CTNNA2: variants seen among roughly 807,000 people sequenced by gnomAD.
CTNNA2 encodes catenin alpha-2.
Under a neutral mutation model 101.0 loss-of-function variants are expected in CTNNA2, and 42 were observed. The observed-to-expected ratio is 0.42, with a 90% CI of 0.32 to 0.54. The LOEUF (loss-of-function observed/expected upper bound fraction) is 0.54. Ranked by LOEUF, CTNNA2 falls within the 20% of genes least tolerant of loss-of-function variation. The pLI, the probability that CTNNA2 is intolerant of heterozygous loss-of-function variation, is 0.14. For synonymous variants in CTNNA2, 450 were observed against 456.4 expected, an observed-to-expected ratio of 0.99 and a Z score of 0.18; for missense variants, 871 against 1,223.1, an observed-to-expected ratio of 0.71 and a Z score of 4.29.
At chr2:80,557,923 C>A (rs1042316064) in intron 12 of CTNNA2, among the ~76,000 whole-genome samples, 5 of 152,058 alleles carry the variant, frequency 3.3e-5, no homozygotes, top group African/African-American at 1.2e-4. Context: ...CTTACTTGTT[C>A]TGAGTTTTTA....
At chr2:80,209,391 A>G (rs998868197) in intron 7 of CTNNA2, among the ~76,000 whole-genome samples, 3 of 151,868 alleles carry the variant, frequency 2.0e-5, no homozygotes, top group South Asian at 2.1e-4. Context: ...GGGTTTCACC[A>G]TGTTGGCCAG....
chr2:79,803,222 A>G (rs529796883), intron 3 of CTNNA2, among the ~76,000 whole-genome samples: 2 of 152,282 alleles, frequency 1.3e-5, no homozygotes, highest in South Asian at 2.1e-4. Context: ...CTTAATAAAC[A>G]CTTTAATGCT....
chr2:79,715,205 C>CAAA (rs140432724), intron 2 of CTNNA2, among the ~76,000 whole-genome samples: 999 of 66,160 alleles, frequency 0.015, 62 homozygotes, highest in African/African-American at 0.054. Context: ...AAAATTCCGT[C>CAAA]AAAAAAAAAA....
chr2:79,890,473 C>T (rs1041025360), intron 6 of CTNNA2, among the ~76,000 whole-genome samples: 1 of 152,076 alleles, frequency 6.6e-6, no homozygotes, highest in Non-Finnish European at 1.5e-5. Flanking sequence ...TTAGTACTTT[C>T]CTCACTTTAG....
intron 9 of CTNNA2, among the ~76,000 whole-genome samples, chr2:80,436,305 T>C (rs1261234641): frequency 1.3e-5 from 2 of 152,182 alleles, no homozygotes; most frequent in Non-Finnish European, 2.9e-5. Flanking sequence ...GCATTGGTCT[T>C]ACCTGGGAGC....
intron 2 of CTNNA2, among the ~76,000 whole-genome samples, chr2:79,239,816 T>C (rs1421404223): frequency 6.6e-6 from 1 of 152,078 alleles, no homozygotes; most frequent in Non-Finnish European, 1.5e-5. Flanking sequence ...AGGGCTAATA[T>C]CCGGAATATA....
chr2:79,967,098 G>A lies in CTNNA2; in HGVS notation c.1056+57301G>A, dbSNP rs937527220. Among the ~76,000 whole-genome samples the A allele has an allele frequency of 1.3e-4, 16 of 127,516 alleles. No homozygotes were observed. In the South Asian group the frequency reaches 3.3e-3, roughly 26 times the overall value. 83.7% of individuals were successfully genotyped at this position (127,516 alleles called of 152,430 possible). A position where few individuals can be genotyped will look rare whatever the true frequency, so the allele number is the denominator to read the frequency against. Reference sequence around the variant, plus strand: ...GACTTCTCTGTGCTCAAGCCTATGCGTGCACACACGCGCACGCACGTGTGT... The same window carrying A: ...GACTTCTCTGTGCTCAAGCCTATGCATGCACACACGCGCACGCACGTGTGT... On this transcript the variant is annotated intron_variant, in intron 7 of 18. Transcript: ENST00000402739.
intron 6 of CTNNA2, among the ~76,000 whole-genome samples, chr2:79,890,351 A>T (rs1288096223): frequency 1.3e-5 from 2 of 152,186 alleles, no homozygotes; most frequent in African/African-American, 4.8e-5. Flanking sequence ...AAGAATGTGC[A>T]TGGTATGCAA....
At chr2:80,100,245 T>A (rs1337602957) in intron 7 of CTNNA2, among the ~76,000 whole-genome samples, 3 of 152,188 alleles carry the variant, frequency 2.0e-5, no homozygotes, top group African/African-American at 7.2e-5. Flanking sequence ...TGCATCTGAA[T>A]TTTAAACAGG....
intron 4 of CTNNA2, among the ~76,000 whole-genome samples, chr2:79,486,345 A>G (rs1013000467): frequency 6.6e-6 from 1 of 151,010 alleles, no homozygotes; most frequent in Non-Finnish European, 1.5e-5. Flanking sequence ...TGTCCTTGTG[A>G]TAGTTTGCTG....
chr2:80,287,832 T>C (rs1236063259), intron 7 of CTNNA2, among the ~76,000 whole-genome samples: 1 of 152,188 alleles, frequency 6.6e-6, no homozygotes, highest in Non-Finnish European at 1.5e-5. Flanking sequence ...CATCTCATGA[T>C]ATGTGCTTAA....
chr2:80,311,708 G>A (rs543917630), intron 7 of CTNNA2, among the ~76,000 whole-genome samples: 1 of 152,214 alleles, frequency 6.6e-6, no homozygotes, highest in Admixed American at 6.5e-5. Flanking sequence ...TTTGTGAAAT[G>A]CACAAGGCTT....
chr2:79,618,188 A>T (rs1678760752), intron 1 of CTNNA2, among the ~76,000 whole-genome samples: 3 of 152,240 alleles, frequency 2.0e-5, no homozygotes, highest in Admixed American at 2.0e-4. Context: ...TTTGGGCAGC[A>T]ACCAACAAAG....
chr2:80,335,971 T>C (rs1671735396), intron 7 of CTNNA2, among the ~76,000 whole-genome samples: 1 of 152,188 alleles, frequency 6.6e-6, no homozygotes, highest in Middle Eastern at 3.2e-3. Flanking sequence ...TTCCAAATGC[T>C]GTGTCTCCCC....
chr2:79,200,423 A>G (rs1178576191), intron 2 of CTNNA2, among the ~76,000 whole-genome samples: 3 of 152,126 alleles, frequency 2.0e-5, no homozygotes, highest in African/African-American at 4.8e-5. Flanking sequence ...CAGATAACAC[A>G]ATACAAAAGC....
At chr2:80,512,695 G>GT (rs1688804187) in intron 9 of CTNNA2, among the ~76,000 whole-genome samples, 1 of 150,646 alleles carries the variant, frequency 6.6e-6, no homozygotes, top group East Asian at 2.0e-4. Flanking sequence ...TTGTTTGTTT[G>GT]TTTTCCCTCC....
rs111675208 is a variant in CTNNA2 at position 79,559,807 on chromosome 2, G to A, written c.-6+46600G>A. Among the ~76,000 whole-genome samples the A allele has an allele frequency of 8.1e-3, 1,232 of 151,890 alleles. 3 individuals carry two copies. The highest frequency in any genetic ancestry group is 0.028 in the African/African-American group (1,162 of 41,478). ...TTATAAAGGAGGTTATAATAATAGT[G>A]GTGAAGATGATAAAATAATACTAAC... On this transcript the variant is annotated intron_variant, in intron 1 of 18. Coordinates refer to ENST00000402739, the MANE Select transcript of CTNNA2 (RefSeq NM_001282597.3).
intron 4 of CTNNA2, among the ~76,000 whole-genome samples, chr2:79,451,866 T>C (rs2104527631): frequency 6.6e-6 from 1 of 152,032 alleles, no homozygotes. Context: ...GAATTTTGTA[T>C]ATATGTATAC....
chr2:79,642,665 C>T (rs1439430957), intron 1 of CTNNA2, among the ~76,000 whole-genome samples: 1 of 152,098 alleles, frequency 6.6e-6, no homozygotes, highest in Non-Finnish European at 1.5e-5. Flanking sequence ...ATGCCATCTT[C>T]CTCCCACCTC....
Sources: allele counts gnomAD v4.1 joint callset (sites outside exome capture counted in the v4.1 genomes callset), GRCh38; gene constraint gnomAD v4.1.1; transcripts MANE v1.5; gene names NCBI Gene and HGNC (gene_info 2026-07-23, HGNC 2026-07-21).